KANSL1L: variants seen among roughly 807,000 people sequenced by gnomAD.
KANSL1L encodes the protein KAT8 regulatory NSL complex subunit 1 like, also known as KAT8 regulatory NSL complex subunit 1-like protein.
A neutral mutation model predicts 108.6 loss-of-function variants in KANSL1L; 25 were observed. That is an observed-to-expected ratio of 0.23 (90% confidence interval 0.17 to 0.32). The LOEUF (loss-of-function observed/expected upper bound fraction) is 0.32, where lower values mean the gene tolerates loss of function less well. Ranked by LOEUF, KANSL1L falls within the 10% of genes least tolerant of loss-of-function variation. The pLI is 1.00. For synonymous variants in KANSL1L, 405 were observed against 395.1 expected (o/e 1.03, Z -0.30); for missense variants, 1,137 against 1,125.7 (o/e 1.01, Z -0.14).
chr2:210,093,226 A>C (rs1456705187), intron 5 of KANSL1L, among the ~76,000 whole-genome samples: 1 of 152,174 alleles, frequency 6.6e-6, no homozygotes, highest in Non-Finnish European at 1.5e-5. Flanking sequence ...GCTCACTGCA[A>C]CCTCAGCCTC....
At chr2:210,151,575 G>A (rs1451775549) in intron 2 of KANSL1L, 1 of 148,948 alleles carries the variant, frequency 6.7e-6, no homozygotes. Flanking sequence ...TGTGTTTAGA[G>A]TCATATATAT....
In KANSL1L at chr2:210,129,142, T is replaced by G; in HGVS notation, c.1119A>C (p.Val373=). ...VNCSTEWKWL[V]DRARVGSRWT... ...ATCGGCTGCCAACTCGTGCTCTGTC[T>G]ACAAGCCACTTCCATTCAGTACTAC... Residue 373 remains valine, a synonymous_variant, in exon 3 of 15, where the codon GTA becomes GTC. Transcript: ENST00000281772. The G allele has an allele frequency of 6.2e-7, 1 of 1,613,876 alleles. No individual in the cohort carries two copies. The highest frequency in any genetic ancestry group is 1.1e-5 in the South Asian group (1 of 91,072).
chr2:210,068,059 G>A (rs2094479766), intron 6 of KANSL1L, among the ~76,000 whole-genome samples: 1 of 151,902 alleles, frequency 6.6e-6, no homozygotes, highest in African/African-American at 2.4e-5. Context: ...TGTATTTTTA[G>A]TAGAGATGAG....
intron 2 of KANSL1L, among the ~76,000 whole-genome samples, chr2:210,142,865 ACATAT>A (rs1200044848): frequency 1.3e-5 from 2 of 152,098 alleles, no homozygotes; most frequent in African/African-American, 4.8e-5. Context: ...ATGTGGCCTA[ACATAT>A]GATCAATCCT....
chr2:210,143,437 T>C (rs1307886570), intron 2 of KANSL1L, among the ~76,000 whole-genome samples: 1 of 152,148 alleles, frequency 6.6e-6, no homozygotes, highest in East Asian at 1.9e-4. Context: ...ATTTAATCCA[T>C]TTATATCCGA....
In KANSL1L at chr2:210,022,324, A is replaced by AC. The variant is rs1281142015; in HGVS notation, c.*624_*625insG. 6.6e-6 allele frequency: 1 copy of AC among 152,488 alleles called. No homozygotes were observed. Among genetic ancestry groups the AC allele is most frequent in the African/African-American group, 2.4e-5 (1 of 41,436 alleles). The allele number at this position is 152,488 out of a possible 1,614,324, so 9.4% of individuals were successfully genotyped here. A position where few individuals can be genotyped will look rare whatever the true frequency, so the allele number is the denominator to read the frequency against. ...TGTTAAAACAACAACAACAACAACAAAAAACTTCTGTCTCTATATTCAGGA... is the reference window on the plus strand; with the variant it reads ...TGTTAAAACAACAACAACAACAACAACAAAACTTCTGTCTCTATATTCAGGA... On this transcript the variant is annotated 3_prime_UTR_variant, in exon 15 of 15. Coordinates refer to ENST00000281772, the MANE Select transcript of KANSL1L (RefSeq NM_152519.4).
intron 6 of KANSL1L, among the ~76,000 whole-genome samples, chr2:210,058,450 GAT>G (rs2094381114): frequency 6.6e-6 from 1 of 152,134 alleles, no homozygotes; most frequent in Non-Finnish European, 1.5e-5. Flanking sequence ...TTTGCCTTGT[GAT>G]ATCTTATTAG....
intron 8 of KANSL1L, among the ~76,000 whole-genome samples, chr2:210,036,286 ATCC>A (rs897513049): frequency 6.6e-6 from 1 of 152,076 alleles, no homozygotes. Flanking sequence ...GGCTCAAGCA[ATCC>A]TCCTGCTTCA....
chr2:210,153,317 A>G lies in KANSL1L; in HGVS notation c.1088+178T>C, dbSNP rs558985480. On this transcript the variant is annotated intron_variant, in intron 2 of 14. Transcript: ENST00000281772. Reference sequence around the variant, plus strand: ...TGCAGTGAGCCAGGATTGCACCACTACACTCCAGCCTGGGCGACAGAGCGA... The same window carrying G: ...TGCAGTGAGCCAGGATTGCACCACTGCACTCCAGCCTGGGCGACAGAGCGA... 1.4e-4 allele frequency: 76 copies of G among 534,042 alleles called. No homozygotes were observed. In the East Asian group the frequency reaches 1.9e-3, roughly 13 times the overall value. The allele number at this position is 534,042 out of a possible 1,614,324, so 33.1% of individuals were successfully genotyped here.
chr2:210,023,115 T>G lies in KANSL1L; in HGVS notation c.2798A>C (p.Gln933Pro). ...KGEDMAALLC[Q>P]DEKKDQVERS... ...TTCAACCTGATCCTTTTTTTCATCT[T>G]GACATAATAAGGCTGCCATGTCTTC... Residue 933 changes from glutamine to proline, a missense_variant, in exon 15 of 15, where the codon CAA (glutamine) becomes CCA (proline). Coordinates refer to ENST00000281772, the MANE Select transcript of KANSL1L (RefSeq NM_152519.4). The G allele has an allele frequency of 6.2e-7, 1 of 1,614,064 alleles. No homozygotes were observed. The highest frequency in any genetic ancestry group is 8.5e-7 in the Non-Finnish European group (1 of 1,179,956).
intron 14 of KANSL1L, 72 bp from the exon 15 acceptor site, chr2:210,023,251 G>T: frequency 9.9e-7 from 1 of 1,010,412 alleles, no homozygotes; most frequent in East Asian, 2.4e-5. Flanking sequence ...CAAGTAATCT[G>T]TACATGTCTA....
intron 8 of KANSL1L, among the ~76,000 whole-genome samples, chr2:210,037,530 TC>T (rs1559505319): frequency 6.6e-6 from 1 of 152,226 alleles, no homozygotes; most frequent in Non-Finnish European, 1.5e-5. Context: ...CTGTTCTTCA[TC>T]CTTGGTGCCT....
intron 5 of KANSL1L, among the ~76,000 whole-genome samples, chr2:210,081,482 G>A (rs1460397665): frequency 6.6e-6 from 1 of 152,136 alleles, no homozygotes; most frequent in African/African-American, 2.4e-5. Flanking sequence ...TCTGAAAGGT[G>A]AGCACTCACT....
At chr2:210,159,018 T>C (rs2095348109) in intron 1 of KANSL1L, among the ~76,000 whole-genome samples, 1 of 152,234 alleles carries the variant, frequency 6.6e-6, no homozygotes, top group Non-Finnish European at 1.5e-5. Context: ...TGTTAACTAC[T>C]GTATCCTCAA....
intron 1 of KANSL1L, 95 bp downstream of exon 1, chr2:210,171,054 C>T (rs1333247922): frequency 6.6e-6 from 1 of 152,498 alleles, no homozygotes; most frequent in Non-Finnish European, 1.5e-5. Context: ...ACCCGCAAGT[C>T]CACCCGGCAG....
intron 6 of KANSL1L, among the ~76,000 whole-genome samples, chr2:210,055,642 G>A (rs1331358823): frequency 2.0e-5 from 3 of 152,166 alleles, no homozygotes; most frequent in Non-Finnish European, 4.4e-5. Context: ...ATGGAGATGA[G>A]GAACTTGTTG....
intron 2 of KANSL1L, among the ~76,000 whole-genome samples, chr2:210,144,889 T>G (rs2095254937): frequency 6.6e-6 from 1 of 151,774 alleles, no homozygotes; most frequent in Non-Finnish European, 1.5e-5. Context: ...GCTTTTCACG[T>G]TGCTTGTTAC....
At chr2:210,050,635 G>C (rs1457559785) in intron 6 of KANSL1L, among the ~76,000 whole-genome samples, 2 of 148,848 alleles carry the variant, frequency 1.3e-5, no homozygotes, top group South Asian at 4.3e-4. Flanking sequence ...CAGGAGGATA[G>C]CTTGAGCCCA....
At position 210,044,636 on chromosome 2, in the gene KANSL1L, CT is replaced by C. The variant is rs1180386707; in HGVS notation, c.1756-533del. Among the ~76,000 whole-genome samples, 2 of 150,474 alleles carry C rather than the reference CT, an allele frequency of 1.3e-5. No homozygotes were observed. The highest frequency in any genetic ancestry group is 6.6e-5 in the Admixed American group (1 of 15,086). ...GTTCTTTATCAGAATATATTCCTAG[CT>C]TGCCAAAAGAACTTGAAAAAAAATA... On this transcript the variant is annotated intron_variant, in intron 6 of 14. Transcript: ENST00000281772. This position sits in a 1 kb window ranked among gnomAD's most constrained non-coding sequence, Gnocchi z 4.2.
Sources: gnomAD v4.1 joint callset for allele counts (sites outside exome capture counted in the v4.1 genomes callset) on GRCh38, gnomAD v4.1.1 for gene constraint, Gnocchi (gnomAD v3.1) non-coding constraint, MANE v1.5 for transcripts, NCBI Gene and HGNC (gene_info 2026-07-23, HGNC 2026-07-21) for gene names.